The following CSNK2A2IP variants were observed in gnomAD, a reference collection of about 807,000 sequenced individuals.
The protein encoded by CSNK2A2IP is casein kinase II subunit alpha'-interacting protein.
the CSNK2A2IP span, among the ~76,000 whole-genome samples, chr3:88,427,008 T>C: frequency 6.6e-6 from 1 of 151,490 alleles, no homozygotes; most frequent in South Asian, 2.1e-4. Flanking sequence ...GAAAGAAAAA[T>C]GTGGGAAATT....
chr3:88,373,122 G>A, the CSNK2A2IP span, among the ~76,000 whole-genome samples: 1 of 151,414 alleles, frequency 6.6e-6, no homozygotes, highest in East Asian at 1.9e-4. Flanking sequence ...AATACTCTCA[G>A]ATGATTTGAC....
the CSNK2A2IP span, chr3:88,465,235 T>C: frequency 4.0e-6 from 2 of 506,254 alleles, no homozygotes; most frequent in East Asian, 3.5e-5. Flanking sequence ...TATTGCAAGA[T>C]AAAAGCTAGC....
At chr3:88,375,004 C>T in the CSNK2A2IP span, among the ~76,000 whole-genome samples, 1 of 151,652 alleles carries the variant, frequency 6.6e-6, no homozygotes, top group African/African-American at 2.4e-5. Flanking sequence ...GCCTCCACAA[C>T]CTCATGCATA....
At chr3:88,371,772 C>T in the CSNK2A2IP span, among the ~76,000 whole-genome samples, 1 of 151,484 alleles carries the variant, frequency 6.6e-6, no homozygotes, top group South Asian at 2.1e-4. Flanking sequence ...TGTTGAGAAT[C>T]AAACATTAAA....
the CSNK2A2IP span, among the ~76,000 whole-genome samples, chr3:88,449,462 A>T: frequency 3.7e-3 from 557 of 152,158 alleles, 3 homozygotes; most frequent in African/African-American, 0.012. Context: ...AAGTCCCTGT[A>T]TCTTCTTTCC....
chr3:88,359,545 C>G, the CSNK2A2IP span, among the ~76,000 whole-genome samples: 1 of 151,990 alleles, frequency 6.6e-6, no homozygotes, highest in Non-Finnish European at 1.5e-5. Flanking sequence ...GCTGTACTCA[C>G]TAGCTTGGTA....
the CSNK2A2IP span, among the ~76,000 whole-genome samples, chr3:88,451,134 A>G: frequency 0.086 from 13,151 of 152,194 alleles, 716 homozygotes; most frequent in Non-Finnish European, 0.12. Context: ...ATAATTGTAT[A>G]TATTTATAGT....
the CSNK2A2IP span, among the ~76,000 whole-genome samples, chr3:88,446,026 TTTCTTTTC>T: frequency 0.038 from 4,282 of 113,432 alleles, 302 homozygotes; most frequent in Non-Finnish European, 0.049. Context: ...TCTTTCTTTG[TTTCTTTTC>T]TTTCTTTCTT....
chr3:88,433,510 C>T, the CSNK2A2IP span, among the ~76,000 whole-genome samples: 2 of 151,994 alleles, frequency 1.3e-5, no homozygotes, highest in Non-Finnish European at 1.5e-5. Flanking sequence ...TTTAGTTTTT[C>T]TATTTTTATA....
At chr3:88,362,681 C>T in the CSNK2A2IP span, among the ~76,000 whole-genome samples, 1 of 152,276 alleles carries the variant, frequency 6.6e-6, no homozygotes, top group East Asian at 1.9e-4. Flanking sequence ...GGTAGTAAAT[C>T]CTACTGGGGC....
chr3:88,345,238 C>T, the CSNK2A2IP span, among the ~76,000 whole-genome samples: 1 of 152,008 alleles, frequency 6.6e-6, no homozygotes, highest in Non-Finnish European at 1.5e-5. Flanking sequence ...AACAGATGAA[C>T]AACCTACATT....
At chr3:88,460,647 T>C in the CSNK2A2IP span, among the ~76,000 whole-genome samples, 1 of 152,178 alleles carries the variant, frequency 6.6e-6, no homozygotes, top group African/African-American at 2.4e-5. Context: ...AAAGCTCCAT[T>C]ATCACTAAGT....
chr3:88,415,337 A>G, the CSNK2A2IP span, among the ~76,000 whole-genome samples: 1 of 152,048 alleles, frequency 6.6e-6, no homozygotes, highest in African/African-American at 2.4e-5. Context: ...ATATAGCAGG[A>G]CTTTAGAATT....
the CSNK2A2IP span, among the ~76,000 whole-genome samples, chr3:88,363,420 T>C: frequency 7.2e-5 from 11 of 152,212 alleles, no homozygotes; most frequent in Non-Finnish European, 1.5e-4. Context: ...ATCTTTCATG[T>C]CTCTACTTAA....
At chr3:88,428,766 C>A in the CSNK2A2IP span, among the ~76,000 whole-genome samples, 5 of 151,964 alleles carry the variant, frequency 3.3e-5, no homozygotes, top group East Asian at 1.9e-4. Context: ...AGAAGATAAC[C>A]AAATGAGACT....
At chr3:88,428,725 A>C in the CSNK2A2IP span, among the ~76,000 whole-genome samples, 1 of 152,142 alleles carries the variant, frequency 6.6e-6, no homozygotes, top group Non-Finnish European at 1.5e-5. Context: ...CTGAATATGC[A>C]ACTGTTTAGT....
the CSNK2A2IP span, among the ~76,000 whole-genome samples, chr3:88,420,849 A>G: frequency 1.3e-5 from 2 of 152,180 alleles, no homozygotes. Context: ...CCAATCAGAA[A>G]TGATATTGGG....
chr3:88,451,097 T>C, the CSNK2A2IP span, among the ~76,000 whole-genome samples: 44,309 of 151,820 alleles, frequency 0.29, 7,170 homozygotes, highest in East Asian at 0.48. Context: ...ATATTTATTA[T>C]TTATTGAAGT....
the CSNK2A2IP span, among the ~76,000 whole-genome samples, chr3:88,367,252 G>C: frequency 1.3e-5 from 2 of 152,094 alleles, no homozygotes; most frequent in Non-Finnish European, 2.9e-5. Flanking sequence ...GAAAAGAAGA[G>C]TCAAATAGTT....
Sources: allele counts gnomAD v4.1 joint callset (sites outside exome capture counted in the v4.1 genomes callset), GRCh38; gene constraint gnomAD v4.1.1; transcripts MANE v1.5; gene names NCBI Gene and HGNC (gene_info 2026-07-23, HGNC 2026-07-21).